RPL26: variants seen among roughly 807,000 people sequenced by gnomAD.
RPL26 encodes large ribosomal subunit protein uL24.
RPL26 carries 1 observed loss-of-function variant against 16.2 expected under a neutral mutation model. The ratio of observed to expected loss-of-function variants is 0.06; its 90% CI spans 0.02 to 0.29. The LOEUF (loss-of-function observed/expected upper bound fraction) is 0.29. RPL26 is among the 10% of genes least tolerant of loss of function. The pLI is 1.00. For synonymous variants in RPL26, 55 were observed against 62.4 expected (o/e 0.88, Z 0.56); for missense variants, 102 against 184.3 (o/e 0.55, Z 2.58).
intron 3 of RPL26, 65 bp downstream of exon 3, chr17:8,379,731 T>C: frequency 6.7e-7 from 1 of 1,495,302 alleles, no homozygotes; most frequent in Non-Finnish European, 9.2e-7. Flanking sequence ...CCTTGCTCTG[T>C]AAACAATCAT....
intron 2 of RPL26, chr17:8,381,931 C>CAAA: frequency 3.2e-6 from 1 of 314,684 alleles, no homozygotes; most frequent in East Asian, 9.5e-5. Context: ...GACTTCATCT[C>CAAA]AAAAAAAAAA....
At chr17:8,380,130 G>T (rs1278141503) in intron 2 of RPL26, 194 bp from the exon 3 acceptor site, 3 of 566,224 alleles carry the variant, frequency 5.3e-6, no homozygotes, top group African/African-American at 1.9e-5. Flanking sequence ...AACAGACCAA[G>T]AGTATTTAAA....
Position 8,379,934 on chromosome 17 carries a change from A to T in RPL26, c.171T>A (p.Val57=), listed in dbSNP as rs960987270. Residue 57 remains valine, a splice_region_variant and synonymous_variant, in exon 3 of 4, where the codon GTT becomes GTA. Coordinates refer to ENST00000648839, the MANE Select transcript of RPL26 (RefSeq NM_000987.5). ...MPIRKDDEVQ[V]VRGHYKGQQI... ...GCTGACCTTTATAGTGTCCACGTAC[A>T]ACCTAAGAGCAAATTCAAAAGTAAC... 4 of 1,603,202 alleles carry T rather than the reference A, an allele frequency of 2.5e-6. No homozygotes were observed. Among genetic ancestry groups the T allele is most frequent in the Non-Finnish European group, 3.4e-6 (4 of 1,176,798 alleles).
At chr17:8,381,933 A>T in intron 2 of RPL26, 1 of 1,192 alleles carries the variant, frequency 8.4e-4, no homozygotes, top group Non-Finnish European at 1.7e-3. Flanking sequence ...CTTCATCTCA[A>T]AAAAAAAAAA....
chr17:8,383,133 C>G lies in RPL26; in HGVS notation c.-6+24G>C, dbSNP rs188932906. On this transcript the variant is annotated intron_variant, in intron 1 of 3. Transcript: ENST00000648839. ...CAAGAACGGATGGCTGCTGATTACA[C>G]CCGCTTGCCCGCCGAATCCTTACCC... 296 of 398,678 alleles carry G rather than the reference C, an allele frequency of 7.4e-4. 1 individual carries two copies. The highest frequency in any genetic ancestry group is 4.8e-3 in the African/African-American group (236 of 48,764). 24.7% of individuals were successfully genotyped at this position (398,678 alleles called of 1,614,324 possible). A position where few individuals can be genotyped will look rare whatever the true frequency, so the allele number is the denominator to read the frequency against.
intron 2 of RPL26, chr17:8,381,843 C>T (rs554901730): frequency 2.8e-4 from 71 of 256,384 alleles, no homozygotes; most frequent in Non-Finnish European, 5.0e-4. Context: ...GCAGGAGAAT[C>T]GCCTGAACCC....
chr17:8,381,408 G>A (rs1907402903), intron 2 of RPL26: 1 of 152,160 alleles, frequency 6.6e-6, no homozygotes, highest in Non-Finnish European at 1.5e-5. Flanking sequence ...TTGATAAAAG[G>A]ATTAATCCCA....
At chr17:8,378,138 C>A (rs531042898) in intron 3 of RPL26, among the ~76,000 whole-genome samples, 26 of 152,310 alleles carry the variant, frequency 1.7e-4, no homozygotes, top group Non-Finnish European at 2.2e-4. Context: ...TGAGACCAGT[C>A]TGGCCAACAC....
chr17:8,381,604 C>T (rs969488883), intron 2 of RPL26, among the ~76,000 whole-genome samples: 3 of 152,156 alleles, frequency 2.0e-5, no homozygotes, highest in South Asian at 2.1e-4. Context: ...GCCATGACCA[C>T]GCAACTGCAC....
At chr17:8,382,364 CT>C in intron 1 of RPL26, 49 bp from the exon 2 acceptor site, 2 of 1,341,088 alleles carry the variant, frequency 1.5e-6, no homozygotes, top group African/African-American at 1.5e-5. Flanking sequence ...TCTCATCCAG[CT>C]TCCAAACAAA....
intron 3 of RPL26, chr17:8,379,441 G>A (rs1283674682): frequency 1.2e-5 from 4 of 341,482 alleles, no homozygotes; most frequent in Non-Finnish European, 2.1e-5. Context: ...GTGTAGTGGT[G>A]CACGCATGTA....
intron 2 of RPL26, 75 bp from the exon 3 acceptor site, chr17:8,380,011 A>G: frequency 1.6e-6 from 2 of 1,227,822 alleles, no homozygotes; most frequent in East Asian, 2.3e-5. Context: ...AAACTCATGC[A>G]TACACCATTC....
chr17:8,378,986 G>A (rs1430012963), intron 3 of RPL26, among the ~76,000 whole-genome samples: 1 of 152,154 alleles, frequency 6.6e-6, no homozygotes, highest in Non-Finnish European at 1.5e-5. Flanking sequence ...AAGTTTCATA[G>A]ATGTGTTTCT....
intron 1 of RPL26, 159 bp downstream of exon 1, chr17:8,382,998 C>T (rs538935135): frequency 5.0e-6 from 2 of 398,608 alleles, no homozygotes; most frequent in Non-Finnish European, 4.4e-6. Context: ...GCCCGGCGGC[C>T]CTTGATTTAA....
intron 1 of RPL26, 41 bp from the exon 2 acceptor site, chr17:8,382,356 T>C (rs773639243): frequency 7.2e-7 from 1 of 1,393,270 alleles, no homozygotes. Context: ...GACCAAAATC[T>C]CATCCAGCTT....
At position 8,382,533 on chromosome 17, in the gene RPL26, GACT is replaced by G. The variant is rs1907472039; in HGVS notation, c.-5-221_-5-219del. The G allele has an allele frequency of 1.0e-5, 5 of 486,056 alleles. No homozygotes were observed. The South Asian group carries it at 1.2e-4, about 12-fold the overall frequency. 30.1% of individuals were successfully genotyped at this position (486,056 alleles called of 1,614,324 possible). The stretch of plus-strand genomic sequence containing the variant: ...CGGGTGTTTTCTGTATATGTTTACG[GACT>G]AAAGACTTTTGCATCAAAAACACTT... On this transcript the variant is annotated intron_variant, in intron 1 of 3. Coordinates refer to ENST00000648839, the MANE Select transcript of RPL26 (RefSeq NM_000987.5).
intron 2 of RPL26, chr17:8,380,610 A>T (rs1212128916): frequency 6.6e-6 from 1 of 152,236 alleles, no homozygotes; most frequent in Non-Finnish European, 1.5e-5. Context: ...CGATAACGTG[A>T]CTGTGCTTCA....
At chr17:8,381,546 G>C (rs1597495765) in intron 2 of RPL26, among the ~76,000 whole-genome samples, 1 of 151,768 alleles carries the variant, frequency 6.6e-6, no homozygotes, top group South Asian at 2.1e-4. Context: ...CCTCTCTACA[G>C]AAACAAAAAA....
chr17:8,378,052 TG>T (rs1299248968), intron 3 of RPL26, among the ~76,000 whole-genome samples: 1 of 152,246 alleles, frequency 6.6e-6, no homozygotes, highest in Non-Finnish European at 1.5e-5. Context: ...AACTTCAGGC[TG>T]GGTGCGGTGG....
Sources: allele counts gnomAD v4.1 joint callset (sites outside exome capture counted in the v4.1 genomes callset), GRCh38; gene constraint gnomAD v4.1.1; transcripts MANE v1.5; gene names NCBI Gene and HGNC (gene_info 2026-07-23, HGNC 2026-07-21).